AMMECR1: variants seen among roughly 807,000 people sequenced by gnomAD.
AMMECR1 encodes AMMECR nuclear protein 1, also known as nuclear protein AMMECR1.
Under a neutral mutation model 22.5 loss-of-function variants are expected in AMMECR1, and 3 were observed. The ratio of observed to expected loss-of-function variants is 0.13; its 90% CI spans 0.06 to 0.35. The LOEUF (loss-of-function observed/expected upper bound fraction) is 0.35. Among genes scored for constraint, AMMECR1 ranks in the 10% least tolerant of loss-of-function variants. AMMECR1 has a pLI of 1.00. For missense variants in AMMECR1, 235 were observed against 278.7 expected (o/e 0.84, Z 1.12); for synonymous variants, 130 against 116.7 (o/e 1.11, Z -0.74).
In AMMECR1 at chrX:110,367,823, T is replaced by G. The variant is rs187657313; in HGVS notation, c.-147-49974A>C. ...AGCTGAATAGTTAAAAATTTATTTG[T>G]TTAGAAACAGCATCTCACACTGTCA... is the stretch of plus-strand genomic sequence containing the variant. On this transcript the variant is annotated intron_variant, in intron 2 of 7. Coordinates refer to the AMMECR1 transcript ENST00000372057. Among the ~76,000 whole-genome samples, 177 of 109,731 alleles carry G rather than the reference T, an allele frequency of 1.6e-3. No individual in the cohort carries two copies. The Middle Eastern group carries it at 0.019, about 12-fold the overall frequency.
chrX:110,202,481 G>A lies in AMMECR1; in HGVS notation c.755C>T (p.Thr252Ile). Residue 252 changes from threonine to isoleucine, a missense_variant, in exon 4 of 6, where the codon ACC (threonine) becomes ATC (isoleucine). Thr to Ile is a moderately conservative substitution (Grantham distance 89, BLOSUM62 -1). Coordinates refer to ENST00000262844, the MANE Select transcript of AMMECR1 (RefSeq NM_015365.3). Reference protein sequence around the residue: ...EFINEKGSKRTATYLPEVAKE... With the variant: ...EFINEKGSKRIATYLPEVAKE... Reference sequence around the variant, plus strand: ...TGCAACCTCCGGTAGGTAGGTGGCGGTGCGTTTTGATCCTTTTTCATTGAT... The same window carrying A: ...TGCAACCTCCGGTAGGTAGGTGGCGATGCGTTTTGATCCTTTTTCATTGAT... The A allele has an allele frequency of 8.3e-7, 1 of 1,209,006 alleles. No individual in the cohort carries two copies. The highest frequency in any genetic ancestry group is 1.1e-6 in the Non-Finnish European group (1 of 893,420).
At chrX:110,390,089 T>G (rs758066866) in intron 2 of AMMECR1, among the ~76,000 whole-genome samples, 1 of 111,816 alleles carries the variant, frequency 8.9e-6, no homozygotes, top group East Asian at 2.8e-4. Context: ...GCAAGTTGTA[T>G]GTGGGAGGAT....
intron 2 of AMMECR1, among the ~76,000 whole-genome samples, chrX:110,395,293 G>T (rs2068521195): frequency 8.9e-6 from 1 of 112,038 alleles, no homozygotes; most frequent in South Asian, 3.8e-4. Context: ...GAGGACCATT[G>T]CATGCTTCAT....
At chrX:110,318,537 C>G (rs760487326), upstream of AMMECR1, among the ~76,000 whole-genome samples, 2 of 110,314 alleles carry the variant, frequency 1.8e-5, no homozygotes, top group Non-Finnish European at 3.8e-5. Flanking sequence ...GCATCCAGGT[C>G]CCAAAGCACA....
intron 2 of AMMECR1, among the ~76,000 whole-genome samples, chrX:110,249,934 G>A (rs2067678805): frequency 9.0e-6 from 1 of 111,111 alleles, no homozygotes; most frequent in Non-Finnish European, 1.9e-5. Context: ...GAGGGAAACG[G>A]AAAGGGAAAG....
intron 2 of AMMECR1, among the ~76,000 whole-genome samples, chrX:110,263,148 A>G (rs150565651): frequency 0.016 from 1,826 of 111,303 alleles, 20 homozygotes; most frequent in Middle Eastern, 0.032. Context: ...TACCTGTCCC[A>G]AAAAGGTAGC....
At chrX:110,316,669 T>A (rs2068049527) in intron 1 of AMMECR1, among the ~76,000 whole-genome samples, 1 of 111,056 alleles carries the variant, frequency 9.0e-6, no homozygotes, top group Admixed American at 9.5e-5. Flanking sequence ...AGTGCTATTT[T>A]AAAATTTTTC....
intron 2 of AMMECR1, among the ~76,000 whole-genome samples, chrX:110,231,927 A>G (rs2067568992): frequency 8.9e-6 from 1 of 111,908 alleles, no homozygotes; most frequent in Non-Finnish European, 1.9e-5. Flanking sequence ...AAAGGCCATT[A>G]CATAATGGTA....
intron 2 of AMMECR1, among the ~76,000 whole-genome samples, chrX:110,233,159 G>A (rs5985450): frequency 2.0e-4 from 22 of 110,636 alleles, no homozygotes; most frequent in African/African-American, 7.2e-4. Flanking sequence ...TATCACCACC[G>A]ATCCCACAGA....
chrX:110,203,679 T>C (rs945016031), intron 3 of AMMECR1, among the ~76,000 whole-genome samples: 26 of 110,961 alleles, frequency 2.3e-4, no homozygotes, highest in African/African-American at 8.2e-4. Flanking sequence ...AGTAAAGTCA[T>C]AAACCTTTAT....
chrX:110,417,287 G>C (rs2068684419), intron 2 of AMMECR1, among the ~76,000 whole-genome samples: 1 of 112,276 alleles, frequency 8.9e-6, no homozygotes, highest in South Asian at 3.7e-4. Context: ...CAGCTTGAAA[G>C]CTTCATTTGA....
intron 2 of AMMECR1, among the ~76,000 whole-genome samples, chrX:110,381,145 CACCCT>C (rs2068415874): frequency 9.0e-6 from 1 of 111,727 alleles, no homozygotes; most frequent in Admixed American, 9.5e-5. Context: ...TATCGACAGG[CACCCT>C]ACAGAACTGG....
intron 3 of AMMECR1, among the ~76,000 whole-genome samples, chrX:110,215,578 A>G (rs959209329): frequency 8.9e-6 from 1 of 112,203 alleles, no homozygotes; most frequent in African/African-American, 3.2e-5. Context: ...TAAGGATACA[A>G]TAATGCCATT....
intron 3 of AMMECR1, among the ~76,000 whole-genome samples, chrX:110,205,843 T>C (rs1332583984): frequency 1.8e-5 from 2 of 112,263 alleles, no homozygotes; most frequent in East Asian, 2.8e-4. Context: ...TAAGAGGATA[T>C]GGAATTAAGC....
intron 2 of AMMECR1, among the ~76,000 whole-genome samples, chrX:110,400,386 G>A (rs758411412): frequency 7.4e-5 from 8 of 108,679 alleles, no homozygotes; most frequent in South Asian, 4.1e-4. Context: ...ATGGCTTTCC[G>A]TATTGTTCTG....
chrX:110,283,147 A>T (rs2067861736), intron 1 of AMMECR1, among the ~76,000 whole-genome samples: 2 of 112,379 alleles, frequency 1.8e-5, no homozygotes, highest in South Asian at 7.4e-4. Context: ...GGAAATTTTC[A>T]ATCTGGGTAA....
chrX:110,282,922 G>A (rs1446738734), intron 1 of AMMECR1, among the ~76,000 whole-genome samples: 2 of 111,737 alleles, frequency 1.8e-5, no homozygotes, highest in African/African-American at 3.3e-5. Context: ...TGTTAATATG[G>A]AGCAGACATG....
chrX:110,242,559 T>G (rs2067638801), intron 2 of AMMECR1, among the ~76,000 whole-genome samples: 1 of 112,049 alleles, frequency 8.9e-6, no homozygotes, highest in Non-Finnish European at 1.9e-5. Flanking sequence ...TCATCAGTGT[T>G]AATCAGGAGG....
chrX:110,212,264 G>C (rs1210081562), intron 3 of AMMECR1, among the ~76,000 whole-genome samples: 1 of 111,813 alleles, frequency 8.9e-6, no homozygotes, highest in East Asian at 2.8e-4. Context: ...TGAAAACTGG[G>C]TGGCTATTAC....
Sources: allele counts gnomAD v4.1 joint callset (sites outside exome capture counted in the v4.1 genomes callset), GRCh38; gene constraint gnomAD v4.1.1; transcripts MANE v1.5; gene names NCBI Gene and HGNC (gene_info 2026-07-23, HGNC 2026-07-21).